Variants in MSRA observed in about 807,000 individuals in gnomAD.
MSRA encodes mitochondrial peptide methionine sulfoxide reductase.
In MSRA, 54 loss-of-function variants were observed where a neutral mutation model predicts 31.3. The ratio of observed to expected loss-of-function variants is 1.73; its 90% CI spans 1.39 to 2.17. The LOEUF is 2.17. Among genes scored for constraint, MSRA ranks in the 30% most tolerant of loss-of-function variants. MSRA has a pLI of 0.00. For synonymous variants in MSRA, 169 were observed against 116.5 expected (o/e 1.45, Z -2.90); for missense variants, 507 against 300.9 (o/e 1.69, Z -5.07).
chr8:10,290,683 C>T (rs933115258), intron 3 of MSRA, among the ~76,000 whole-genome samples: 4 of 152,184 alleles, frequency 2.6e-5, no homozygotes, highest in South Asian at 4.1e-4. Flanking sequence ...TTGTGAACCA[C>T]TCTCCTTGTG....
At chr8:10,379,012 G>A (rs568759054) in intron 5 of MSRA, among the ~76,000 whole-genome samples, 8 of 152,196 alleles carry the variant, frequency 5.3e-5, no homozygotes, top group Admixed American at 2.0e-4. Context: ...ATTTTTTTAC[G>A]CAGACATGCT....
chr8:10,420,075 T>A (rs910613874), intron 5 of MSRA, among the ~76,000 whole-genome samples: 1 of 152,146 alleles, frequency 6.6e-6, no homozygotes, highest in Admixed American at 6.5e-5. Context: ...AAATATGGCA[T>A]GTACGTAGAG....
At chr8:10,111,072 G>A (rs777547874) in intron 1 of MSRA, among the ~76,000 whole-genome samples, 4 of 152,176 alleles carry the variant, frequency 2.6e-5, no homozygotes, top group Admixed American at 6.5e-5. Context: ...CTGTGTGCTT[G>A]ATTTGACCAA....
chr8:10,273,931 C>G (rs1027644648), intron 3 of MSRA, among the ~76,000 whole-genome samples: 15 of 152,082 alleles, frequency 9.9e-5, no homozygotes, highest in African/African-American at 3.6e-4. Flanking sequence ...CTACCTGAGC[C>G]TAGAGAGAGG....
At chr8:10,093,060 C>A (rs975816209) in intron 1 of MSRA, among the ~76,000 whole-genome samples, 1 of 152,006 alleles carries the variant, frequency 6.6e-6, no homozygotes, top group South Asian at 2.1e-4. Flanking sequence ...TTACTTTGAA[C>A]CTTTTTATGT....
At chr8:10,151,397 A>G (rs1167674611) in intron 1 of MSRA, among the ~76,000 whole-genome samples, 2 of 151,920 alleles carry the variant, frequency 1.3e-5, no homozygotes, top group African/African-American at 4.8e-5. Flanking sequence ...TCATCCCAGC[A>G]TTTTGGGAGG....
At chr8:10,063,309 T>A (rs1040883713) in intron 1 of MSRA, among the ~76,000 whole-genome samples, 1 of 152,228 alleles carries the variant, frequency 6.6e-6, no homozygotes, top group African/African-American at 2.4e-5. Context: ...CCTGAGCTGT[T>A]CAGAGCATTA....
intron 5 of MSRA, among the ~76,000 whole-genome samples, chr8:10,401,256 G>C (rs981964472): frequency 5.9e-5 from 9 of 152,158 alleles, no homozygotes; most frequent in Non-Finnish European, 1.3e-4. Context: ...ACTTTGAATA[G>C]ACATTTCTCC....
chr8:10,139,324 GT>G (rs949416951), intron 1 of MSRA, among the ~76,000 whole-genome samples: 3 of 151,944 alleles, frequency 2.0e-5, no homozygotes, highest in Non-Finnish European at 2.9e-5. Context: ...AATGATTCTT[GT>G]TTTAAAAATA....
At chr8:10,232,718 A>T (rs1479427370) in intron 2 of MSRA, among the ~76,000 whole-genome samples, 3 of 152,248 alleles carry the variant, frequency 2.0e-5, no homozygotes, top group African/African-American at 7.2e-5. Context: ...TCATAGACAC[A>T]GATATTCATG....
intron 1 of MSRA, among the ~76,000 whole-genome samples, chr8:10,160,409 C>T (rs1371109991): frequency 2.6e-5 from 4 of 151,838 alleles, no homozygotes; most frequent in East Asian, 3.9e-4. Context: ...GCCGGAGAAT[C>T]GTTTGAACCC....
intron 5 of MSRA, among the ~76,000 whole-genome samples, chr8:10,352,336 A>T (rs916753072): frequency 9.9e-5 from 15 of 152,162 alleles, no homozygotes; most frequent in African/African-American, 3.6e-4. Context: ...ACCCTATGAG[A>T]AATGTTTTTG....
intron 5 of MSRA, among the ~76,000 whole-genome samples, chr8:10,344,693 T>G (rs1563375011): frequency 6.6e-6 from 1 of 151,978 alleles, no homozygotes; most frequent in Non-Finnish European, 1.5e-5. Flanking sequence ...ACCATGAGTT[T>G]GAATGAATCT....
intron 5 of MSRA, among the ~76,000 whole-genome samples, chr8:10,384,821 A>T (rs1806285869): frequency 6.6e-6 from 1 of 152,130 alleles, no homozygotes; most frequent in Non-Finnish European, 1.5e-5. Context: ...CAGCTTGGAC[A>T]ACAGAGCAAA....
intron 1 of MSRA, among the ~76,000 whole-genome samples, chr8:10,075,654 A>G (rs1318039885): frequency 6.6e-6 from 1 of 152,254 alleles, no homozygotes; most frequent in Non-Finnish European, 1.5e-5. Context: ...CATAAAAAAG[A>G]CATTGTTTTA....
At position 10,168,871 on chromosome 8, in the gene MSRA, A is replaced by G. The variant is rs549443360; in HGVS notation, c.143-38962A>G. Among the ~76,000 whole-genome samples the G allele has an allele frequency of 7.0e-4, 106 of 152,352 alleles. 1 individual carries two copies. In the South Asian group the frequency reaches 0.014, roughly 21 times the overall value. On this transcript the variant is annotated intron_variant, in intron 1 of 5. Coordinates refer to ENST00000317173, the MANE Select transcript of MSRA (RefSeq NM_012331.5). ...TCTTGAACATGCTAAATATGTATCA[A>G]TACACCTGATATATTGTTTCCAGTC...
intron 5 of MSRA, among the ~76,000 whole-genome samples, chr8:10,390,659 TG>T (rs1748761934): frequency 6.6e-6 from 1 of 152,196 alleles, no homozygotes; most frequent in African/African-American, 2.4e-5. Flanking sequence ...GACTTTGCAC[TG>T]GCCTGCTGGA....
At chr8:10,335,939 T>C (rs892424544) in intron 5 of MSRA, among the ~76,000 whole-genome samples, 1 of 152,158 alleles carries the variant, frequency 6.6e-6, no homozygotes, top group South Asian at 2.1e-4. Flanking sequence ...GAGCCCAGGA[T>C]GCACACTCCC....
At position 10,216,303 on chromosome 8, in the gene MSRA, C is replaced by T. The variant is rs1477715534; in HGVS notation, c.211+8402C>T. Among the ~76,000 whole-genome samples the T allele has an allele frequency of 2.0e-5, 3 of 152,194 alleles. No homozygotes were observed. In the East Asian group the frequency reaches 5.8e-4, roughly 29 times the overall value. On this transcript the variant is annotated intron_variant, in intron 2 of 5. Transcript: ENST00000317173. The stretch of plus-strand genomic sequence containing the variant: ...ATACACAAAGAATGCATGTCATAAT[C>T]TTACATAATTTATAAAACTTGCTCA...
Sources: allele counts gnomAD v4.1 joint callset (sites outside exome capture counted in the v4.1 genomes callset), GRCh38; gene constraint gnomAD v4.1.1; transcripts MANE v1.5; gene names NCBI Gene and HGNC (gene_info 2026-07-23, HGNC 2026-07-21).